KCNMB2: variants seen among roughly 807,000 people sequenced by gnomAD.
The protein encoded by KCNMB2 is calcium-activated potassium channel subunit beta-2.
Under a neutral mutation model 24.5 loss-of-function variants are expected in KCNMB2, and 9 were observed. The observed-to-expected ratio is 0.37, with a 90% confidence interval of 0.22 to 0.64. KCNMB2 has a LOEUF of 0.64. Ranked by LOEUF, KCNMB2 falls within the 30% of genes least tolerant of loss-of-function variation. KCNMB2 has a pLI of 0.63. For missense variants in KCNMB2, 226 were observed against 284.3 expected (o/e 0.79, Z 1.47); for synonymous variants, 109 against 104.4 (o/e 1.04, Z -0.27).
At chr3:178,642,261 T>A (rs993574364) in intron 1 of KCNMB2, among the ~76,000 whole-genome samples, 4 of 152,200 alleles carry the variant, frequency 2.6e-5, no homozygotes, top group Non-Finnish European at 4.4e-5. Context: ...AAGCACAGAT[T>A]TCTCCTTTTC....
intron 1 of KCNMB2, among the ~76,000 whole-genome samples, chr3:178,589,829 G>A (rs773202943): frequency 2.6e-5 from 4 of 152,152 alleles, no homozygotes; most frequent in Non-Finnish European, 4.4e-5. Context: ...AACTTTGGAC[G>A]CAGAGTAATT....
chr3:178,590,509 G>GA (rs1011879463), intron 1 of KCNMB2, among the ~76,000 whole-genome samples: 11 of 151,984 alleles, frequency 7.2e-5, no homozygotes, highest in African/African-American at 2.2e-4. Flanking sequence ...AAAATTAAGG[G>GA]AAAAAATCAC....
At position 178,538,405 on chromosome 3, in the gene KCNMB2, C is replaced by T. The variant is rs367833393; in HGVS notation, c.-68+1694C>T. ...AGAATGCATGTATAGAAAGAGAGAG[C>T]TCAAAATACACAAACAAAAATACAC... On this transcript the variant is annotated intron_variant, in intron 1 of 4. Coordinates refer to ENST00000452583, the MANE Select transcript of KCNMB2 (RefSeq NM_181361.3). Among the ~76,000 whole-genome samples, 35 of 152,302 alleles carry T rather than the reference C, an allele frequency of 2.3e-4. 1 individual carries two copies. In the South Asian group the frequency reaches 4.3e-3, roughly 19 times the overall value.
At chr3:178,644,804 C>T (rs1233036946) in intron 1 of KCNMB2, among the ~76,000 whole-genome samples, 1 of 152,176 alleles carries the variant, frequency 6.6e-6, no homozygotes, top group Non-Finnish European at 1.5e-5. Flanking sequence ...CAAAGCTCTA[C>T]ATCCCTTACA....
intron 1 of KCNMB2, among the ~76,000 whole-genome samples, chr3:178,771,216 A>G (rs1322097805): frequency 6.6e-6 from 1 of 152,094 alleles, no homozygotes; most frequent in Non-Finnish European, 1.5e-5. Context: ...CTGCTCCACA[A>G]GCCCATCATC....
At chr3:178,711,424 C>T (rs961069619) in intron 1 of KCNMB2, among the ~76,000 whole-genome samples, 1 of 152,136 alleles carries the variant, frequency 6.6e-6, no homozygotes, top group Non-Finnish European at 1.5e-5. Flanking sequence ...ATACCCATCA[C>T]CCCTTAATAT....
chr3:178,736,262 ACT>A (rs1723313733), intron 1 of KCNMB2, among the ~76,000 whole-genome samples: 1 of 152,196 alleles, frequency 6.6e-6, no homozygotes, highest in African/African-American at 2.4e-5. Flanking sequence ...GCTTATGAGG[ACT>A]CAATAACCTT....
chr3:178,784,113 G>A (rs1386639545), intron 1 of KCNMB2, among the ~76,000 whole-genome samples: 1 of 152,172 alleles, frequency 6.6e-6, no homozygotes, highest in African/African-American at 2.4e-5. Flanking sequence ...GGGCAAAGAG[G>A]CAGTTCTTCT....
At chr3:178,619,702 C>T (rs1336782308) in intron 1 of KCNMB2, among the ~76,000 whole-genome samples, 1 of 152,140 alleles carries the variant, frequency 6.6e-6, no homozygotes, top group Non-Finnish European at 1.5e-5. Flanking sequence ...CATCTTTAAA[C>T]CACATTTTGC....
intron 2 of KCNMB2, among the ~76,000 whole-genome samples, 176 bp from the exon 3 acceptor site, chr3:178,825,412 G>A (rs776679973): frequency 5.3e-5 from 8 of 152,178 alleles, no homozygotes; most frequent in Admixed American, 6.5e-5. Flanking sequence ...GTGCTTGTGA[G>A]TGTGTGTACA....
At chr3:178,647,754 A>C (rs1218342403) in intron 1 of KCNMB2, among the ~76,000 whole-genome samples, 1 of 152,166 alleles carries the variant, frequency 6.6e-6, no homozygotes, top group Admixed American at 6.6e-5. Flanking sequence ...GTCCAGCAGT[A>C]ATGTTTTAGG....
At chr3:178,737,631 G>A (rs1253808715) in intron 1 of KCNMB2, among the ~76,000 whole-genome samples, 1 of 152,142 alleles carries the variant, frequency 6.6e-6, no homozygotes, top group Non-Finnish European at 1.5e-5. Flanking sequence ...GGAAACAAAG[G>A]TGAATACAAC....
rs373507143 is a variant in KCNMB2 at position 178,830,132 on chromosome 3, A to G, written c.423+1759A>G. Among the ~76,000 whole-genome samples the G allele has an allele frequency of 4.9e-4, 75 of 152,284 alleles. 4 individuals are homozygous for G. The South Asian group carries it at 0.015, about 31-fold the overall frequency. On this transcript the variant is annotated intron_variant, in intron 4 of 4. Transcript: ENST00000452583. The stretch of plus-strand genomic sequence containing the variant: ...CTTTCTTACTTTCCTTTGTACTTTT[A>G]TCACCTAAGGATATATCCTTAAACA...
intron 1 of KCNMB2, among the ~76,000 whole-genome samples, chr3:178,616,711 G>C (rs140223447): frequency 3.3e-5 from 5 of 152,238 alleles, no homozygotes; most frequent in African/African-American, 1.2e-4. Context: ...CCTTGTCGGA[G>C]GAACAATCAG....
chr3:178,752,867 T>A (rs979327448), intron 1 of KCNMB2, among the ~76,000 whole-genome samples: 3 of 152,204 alleles, frequency 2.0e-5, no homozygotes, highest in African/African-American at 4.8e-5. Context: ...TCAGTCTGTA[T>A]AAGAGACAAA....
chr3:178,821,390 A>C (rs1714619730), intron 2 of KCNMB2, among the ~76,000 whole-genome samples: 1 of 152,146 alleles, frequency 6.6e-6, no homozygotes, highest in African/African-American at 2.4e-5. Flanking sequence ...CAGGCTGTGA[A>C]CACCCTCTTT....
intron 1 of KCNMB2, among the ~76,000 whole-genome samples, chr3:178,782,835 CT>C (rs1712924128): frequency 6.6e-6 from 1 of 151,512 alleles, no homozygotes; most frequent in South Asian, 2.1e-4. Context: ...GTTGCCATTG[CT>C]TTTGGTGTTT....
At chr3:178,628,208 T>G (rs1179449157) in intron 1 of KCNMB2, among the ~76,000 whole-genome samples, 1 of 152,180 alleles carries the variant, frequency 6.6e-6, no homozygotes, top group Non-Finnish European at 1.5e-5. Flanking sequence ...TCCATCTTCC[T>G]TAACACTCCT....
intron 2 of KCNMB2, among the ~76,000 whole-genome samples, chr3:178,809,408 TTTAA>T (rs1446479075): frequency 2.0e-5 from 3 of 152,230 alleles, no homozygotes; most frequent in African/African-American, 7.2e-5. Flanking sequence ...TACTGTAGGT[TTTAA>T]TTGTGTTCTC....
Sources: allele counts gnomAD v4.1 joint callset (sites outside exome capture counted in the v4.1 genomes callset), GRCh38; gene constraint gnomAD v4.1.1; transcripts MANE v1.5; gene names NCBI Gene and HGNC (gene_info 2026-07-23, HGNC 2026-07-21).